KIAA1549L: variants seen among roughly 807,000 people sequenced by gnomAD.
KIAA1549L encodes the protein UPF0606 protein KIAA1549L.
In KIAA1549L, 88 loss-of-function variants were observed where a neutral mutation model predicts 160.7. That is an observed-to-expected ratio of 0.55 (90% CI 0.46 to 0.65). The LOEUF is 0.65. Among genes scored for constraint, KIAA1549L ranks in the 30% least tolerant of loss-of-function variants. The pLI, the probability that KIAA1549L is intolerant of heterozygous loss-of-function variation, is 0.00. For missense variants in KIAA1549L, 2,258 were observed against 2,437.5 expected (o/e 0.93, Z 1.55); for synonymous variants, 950 against 976.7 (o/e 0.97, Z 0.51).
intron 1 of KIAA1549L, among the ~76,000 whole-genome samples, chr11:33,516,902 T>G (rs1565166136): frequency 6.6e-6 from 1 of 152,252 alleles, no homozygotes; most frequent in Admixed American, 6.5e-5. Context: ...TTTTCTGTAG[T>G]TATATTTAGA....
At chr11:33,399,818 A>G (rs982332997) in intron 1 of KIAA1549L, among the ~76,000 whole-genome samples, 5 of 152,212 alleles carry the variant, frequency 3.3e-5, no homozygotes, top group African/African-American at 1.2e-4. Context: ...CAGAAGGACG[A>G]AGATGAAGAA....
rs543380104 is a variant in KIAA1549L, at chr11:33,538,755, A to T, written c.239-3047A>T. On this transcript the variant is annotated intron_variant, in intron 1 of 20. Coordinates refer to ENST00000658780, the MANE Select transcript of KIAA1549L (RefSeq NM_012194.3). Reference sequence around the variant, plus strand: ...ATTTTCTAAATATAGATACTTCCATATAGATATTTTACATGTAGATATTAT... The same window carrying T: ...ATTTTCTAAATATAGATACTTCCATTTAGATATTTTACATGTAGATATTAT... Among the ~76,000 whole-genome samples the T allele has an allele frequency of 2.0e-5, 3 of 152,344 alleles. 1 individual carries two copies. In the South Asian group the frequency reaches 6.2e-4, roughly 32 times the overall value.
At chr11:33,483,914 T>G (rs1189619531) in intron 1 of KIAA1549L, among the ~76,000 whole-genome samples, 5 of 152,182 alleles carry the variant, frequency 3.3e-5, no homozygotes. Flanking sequence ...GAAAATAAAC[T>G]AATACATCCT....
chr11:33,491,802 C>T (rs1852669453), intron 1 of KIAA1549L, among the ~76,000 whole-genome samples: 1 of 152,136 alleles, frequency 6.6e-6, no homozygotes, highest in Non-Finnish European at 1.5e-5. Flanking sequence ...TGATGGAAGC[C>T]CCCTTCTCCA....
chr11:33,469,850 A>T (rs886191898), intron 1 of KIAA1549L, among the ~76,000 whole-genome samples: 4 of 152,202 alleles, frequency 2.6e-5, no homozygotes, highest in Non-Finnish European at 4.4e-5. Context: ...TCCTTTGGCC[A>T]TTACAAAAAT....
chr11:33,457,348 A>T (rs1251246493), intron 1 of KIAA1549L, among the ~76,000 whole-genome samples: 1 of 152,126 alleles, frequency 6.6e-6, no homozygotes, highest in Admixed American at 6.5e-5. Context: ...AAGATAGGAG[A>T]AGTTCTGGCA....
At position 33,588,443 on chromosome 11, in the gene KIAA1549L, C is replaced by T. The variant is rs79900746; in HGVS notation, c.4567-2794C>T. Among the ~76,000 whole-genome samples the T allele has an allele frequency of 2.5e-3, 386 of 152,134 alleles. 1 individual carries two copies. The highest frequency in any genetic ancestry group is 4.1e-3 in the Non-Finnish European group (279 of 67,996). Reference sequence around the variant, plus strand: ...CCCTTCATATTTTAAATGAGAGTGACGCAACCACATGTGTTTTAAGGGAGA... The same window carrying T: ...CCCTTCATATTTTAAATGAGAGTGATGCAACCACATGTGTTTTAAGGGAGA... On this transcript the variant is annotated intron_variant, in intron 11 of 20. Coordinates refer to ENST00000658780, the MANE Select transcript of KIAA1549L (RefSeq NM_012194.3).
intron 1 of KIAA1549L, among the ~76,000 whole-genome samples, chr11:33,407,817 A>C (rs968821652): frequency 2.6e-5 from 4 of 152,182 alleles, no homozygotes. Context: ...GCCAATTCTA[A>C]AAACTTTAAA....
At chr11:33,468,977 A>G (rs1165132458) in intron 1 of KIAA1549L, among the ~76,000 whole-genome samples, 1 of 152,214 alleles carries the variant, frequency 6.6e-6, no homozygotes, top group Non-Finnish European at 1.5e-5. Context: ...CTCTGGGCTG[A>G]AGTGGGCCCC....
At chr11:33,561,888 G>T (rs916939617) in intron 8 of KIAA1549L, among the ~76,000 whole-genome samples, 153 bp downstream of exon 8, 1 of 152,154 alleles carries the variant, frequency 6.6e-6, no homozygotes, top group African/African-American at 2.4e-5. Context: ...AGTGAATGGG[G>T]TAAGCTGAGA....
intron 1 of KIAA1549L, among the ~76,000 whole-genome samples, chr11:33,428,936 A>G (rs890657935): frequency 6.6e-6 from 1 of 152,014 alleles, no homozygotes; most frequent in African/African-American, 2.4e-5. Flanking sequence ...AAGTGTTCCT[A>G]TTTCTCCACC....
chr11:33,419,689 A>G (rs57807793), intron 1 of KIAA1549L, among the ~76,000 whole-genome samples: 17,719 of 152,028 alleles, frequency 0.12, 1,155 homozygotes, highest in East Asian at 0.19. Flanking sequence ...CCACTAAAAA[A>G]TACAAAAATT....
chr11:33,391,979 T>G (rs61887163), intron 1 of KIAA1549L, among the ~76,000 whole-genome samples: 11,511 of 152,304 alleles, frequency 0.076, 678 homozygotes, highest in Middle Eastern at 0.21. Context: ...GAGACAGCTA[T>G]TATTGTGTTA....
intron 1 of KIAA1549L, among the ~76,000 whole-genome samples, chr11:33,458,480 G>A (rs1469613801): frequency 1.3e-5 from 2 of 152,210 alleles, no homozygotes; most frequent in East Asian, 3.8e-4. Flanking sequence ...AATTAGGAAG[G>A]AATCAGATGG....
chr11:33,469,897 C>A (rs1852142503), intron 1 of KIAA1549L, among the ~76,000 whole-genome samples: 1 of 152,148 alleles, frequency 6.6e-6, no homozygotes, highest in Non-Finnish European at 1.5e-5. Flanking sequence ...ACTGTAAGAG[C>A]TCTTTATATA....
At chr11:33,627,075 A>G (rs1851136638) in intron 16 of KIAA1549L, among the ~76,000 whole-genome samples, 2 of 62,210 alleles carry the variant, frequency 3.2e-5, no homozygotes, top group Non-Finnish European at 5.8e-5. Flanking sequence ...ATTTGCATAT[A>G]TTGAACCAGC....
intron 16 of KIAA1549L, among the ~76,000 whole-genome samples, chr11:33,632,134 A>G (rs1851307748): frequency 6.6e-6 from 1 of 152,226 alleles, no homozygotes; most frequent in Non-Finnish European, 1.5e-5. Context: ...TAAAACATGA[A>G]CAGGGTGAAT....
chr11:33,438,779 A>G (rs569413746), intron 1 of KIAA1549L, among the ~76,000 whole-genome samples: 7 of 151,900 alleles, frequency 4.6e-5, no homozygotes, highest in African/African-American at 1.7e-4. Context: ...GTGGGATGAG[A>G]AGTGTTCTTC....
intron 17 of KIAA1549L, among the ~76,000 whole-genome samples, chr11:33,653,835 A>G (rs1239399764): frequency 6.6e-6 from 1 of 151,418 alleles, no homozygotes. Flanking sequence ...TAGTTTATTA[A>G]TTCTCTATTT....
Sources: allele counts gnomAD v4.1 joint callset (sites outside exome capture counted in the v4.1 genomes callset), GRCh38; gene constraint gnomAD v4.1.1; transcripts MANE v1.5; gene names NCBI Gene and HGNC (gene_info 2026-07-23, HGNC 2026-07-21).